Variants in RIF1 observed in about 807,000 individuals in gnomAD.
RIF1 encodes replication timing regulatory factor 1.
RIF1 carries 45 observed loss-of-function variants against 247.1 expected under a neutral mutation model. The observed-to-expected ratio is 0.18, with a 90% CI of 0.14 to 0.23. The LOEUF is 0.23. Ranked by LOEUF, RIF1 falls within the 10% of genes least tolerant of loss-of-function variation. RIF1 has a pLI of 1.00. For missense variants in RIF1, 2,967 were observed against 2,862.5 expected (o/e 1.04, Z -0.83); for synonymous variants, 1,087 against 978.8 (o/e 1.11, Z -2.06).
At chr2:151,440,484 T>C (rs1692086967) in intron 15 of RIF1, among the ~76,000 whole-genome samples, 1 of 152,230 alleles carries the variant, frequency 6.6e-6, no homozygotes, top group Non-Finnish European at 1.5e-5. Flanking sequence ...TGTTTTCAAT[T>C]AACTGTTTTT....
chr2:151,503,369 T>G (rs1201981281), intron 12 of RIF1: 1 of 1,611,774 alleles, frequency 6.2e-7, no homozygotes, highest in Non-Finnish European at 8.5e-7. Flanking sequence ...TTCTCTTGAT[T>G]GCGTTTGACT....
chr2:151,464,799 G>C lies in RIF1; in HGVS notation c.5279G>C (p.Ser1760Thr). 1 of 1,613,782 alleles carries C rather than the reference G, an allele frequency of 6.2e-7. No homozygotes were observed. The highest frequency in any genetic ancestry group is 8.5e-7 in the Non-Finnish European group (1 of 1,179,922). The change falls in exon 30 of 36, where the codon AGT becomes ACT. Residue 1760 changes from serine to threonine, a missense_variant. Ser to Thr is a moderately conservative substitution (Grantham distance 58). Around this residue, in one of 7 missense-constraint regions of RIF1, gnomAD observed 2,028 missense variants for 1,825.6 expected, o/e 1.11. Transcript: ENST00000444746. ...KNTENNDVEI[S>T]ETKKADVQAP... ...ACAGAAAATAATGACGTAGAGATTA[G>C]TGAAACAAAAAAGGCAGATGTGCAA...
the RIF1 span, chr2:151,518,200 A>G: frequency 1.3e-6 from 1 of 774,468 alleles, no homozygotes; most frequent in Non-Finnish European, 2.3e-6. Flanking sequence ...ACCAGATTCA[A>G]AACCCCTTAT....
At chr2:151,482,459 G>T (rs994864004), downstream of RIF1, among the ~76,000 whole-genome samples, 29 of 152,084 alleles carry the variant, frequency 1.9e-4, no homozygotes, top group Admixed American at 2.6e-4. Context: ...CATTGAACTT[G>T]TTAGAAGAGA....
At chr2:151,439,170 CTT>C (rs1380861896) in intron 14 of RIF1, among the ~76,000 whole-genome samples, 3 of 152,082 alleles carry the variant, frequency 2.0e-5, no homozygotes, top group Non-Finnish European at 1.5e-5. Context: ...ATATTCTTGT[CTT>C]TATGTTGAGT....
At chr2:151,422,895 A>G in intron 7 of RIF1, 55 bp from the exon 8 acceptor site, 3 of 910,618 alleles carry the variant, frequency 3.3e-6, no homozygotes, top group Non-Finnish European at 5.3e-6. Flanking sequence ...AGACTTTGGT[A>G]TTGGATTTTT....
chr2:151,480,259 C>A lies in RIF1; in HGVS notation c.*5188C>A, dbSNP rs934118198. The A allele has an allele frequency of 1.3e-5, 2 of 152,148 alleles. No homozygotes were observed. Among genetic ancestry groups the A allele is most frequent in the Non-Finnish European group, 2.9e-5 (2 of 68,012 alleles). 9.4% of individuals were successfully genotyped at this position (152,148 alleles called of 1,614,324 possible). A position where few individuals can be genotyped will look rare whatever the true frequency, so the allele number is the denominator to read the frequency against. On this transcript the variant is annotated 3_prime_UTR_variant, in exon 36 of 36. Coordinates refer to ENST00000444746, the MANE Select transcript of RIF1 (RefSeq NM_018151.5). Reference sequence around the variant, plus strand: ...AAAAAACTCTAACTTTTGTACTCTACTTGTAGCAGAGGGAATATTTTTGGC... The same window carrying A: ...AAAAAACTCTAACTTTTGTACTCTAATTGTAGCAGAGGGAATATTTTTGGC...
intron 10 of RIF1, among the ~76,000 whole-genome samples, chr2:151,499,014 C>T (rs1219619427): frequency 7.4e-6 from 1 of 134,682 alleles, no homozygotes; most frequent in African/African-American, 2.7e-5. Context: ...AGGTTCAGAT[C>T]AAATTTGCCA....
chr2:151,524,585 A>T, the RIF1 span: 1 of 1,579,136 alleles, frequency 6.3e-7, no homozygotes, highest in Non-Finnish European at 8.6e-7. Context: ...GGTGTAATGC[A>T]GGTTCTCTTT....
At chr2:151,423,500 AAACTT>A (rs1688510250) in intron 8 of RIF1, 2 of 155,308 alleles carry the variant, frequency 1.3e-5, no homozygotes, top group African/African-American at 4.8e-5. Flanking sequence ...TGGTGAAAAT[AAACTT>A]TGTTCAGGCA....
At position 151,445,065 on chromosome 2, in the gene RIF1, G is replaced by A. The variant is rs538146642; in HGVS notation, c.1987-273G>A. ...GCCTCCATCTTCACATGGTATTGTT[G>A]TCTGTGCCTATCCAAATTTTCCTCT... On this transcript the variant is annotated intron_variant, in intron 18 of 35. Coordinates refer to ENST00000444746, the MANE Select transcript of RIF1 (RefSeq NM_018151.5). 7.2e-5 allele frequency among the ~76,000 whole-genome samples: 11 copies of A among 152,292 alleles called. No homozygotes were observed. In the South Asian group the frequency reaches 2.3e-3, roughly 32 times the overall value.
the RIF1 span, among the ~76,000 whole-genome samples, chr2:151,521,281 G>A: frequency 6.6e-6 from 1 of 152,140 alleles, no homozygotes; most frequent in African/African-American, 2.4e-5. Flanking sequence ...CAGTGGAAAT[G>A]CAGAGAAAAA....
intron 12 of RIF1, among the ~76,000 whole-genome samples, chr2:151,504,208 G>A (rs78711592): frequency 0.015 from 2,257 of 152,172 alleles, 78 homozygotes; most frequent in East Asian, 0.14. Context: ...CATGGCGTGG[G>A]GAGCAACGTA....
chr2:151,415,780 G>A (rs533335241), intron 4 of RIF1, among the ~76,000 whole-genome samples: 8 of 152,138 alleles, frequency 5.3e-5, no homozygotes, highest in African/African-American at 1.9e-4. Flanking sequence ...GGGAGGCTGA[G>A]GCAGGAGAAT....
chr2:151,475,099 T>TC lies in RIF1; in HGVS notation c.*28_*29insC. 6.9e-7 allele frequency: 1 copy of TC among 1,454,448 alleles called. No individual in the cohort carries two copies. The highest frequency in any genetic ancestry group is 9.6e-7 in the Non-Finnish European group (1 of 1,037,180). The allele number at this position is 1,454,448 out of a possible 1,614,324, so 90.1% of individuals were successfully genotyped here. A position where few individuals can be genotyped will look rare whatever the true frequency, so the allele number is the denominator to read the frequency against. ...TTTTCAGAGAAAATTGAAGGTTTTT[T>TC]TAAACATCACTGGATTTCTTGATTG... On this transcript the variant is annotated 3_prime_UTR_variant, in exon 36 of 36. Coordinates refer to ENST00000444746, the MANE Select transcript of RIF1 (RefSeq NM_018151.5).
chr2:151,533,515 A>C, the RIF1 span: 1 of 1,551,394 alleles, frequency 6.4e-7, no homozygotes, highest in Non-Finnish European at 8.7e-7. Context: ...TCCATGTTGC[A>C]GAAACATCTT....
intron 26 of RIF1, 124 bp from the exon 27 acceptor site, chr2:151,461,014 G>C: frequency 1.2e-6 from 1 of 839,860 alleles, no homozygotes; most frequent in East Asian, 2.5e-5. Flanking sequence ...TACGGATCAT[G>C]AGTATCATCA....
At position 151,451,760 on chromosome 2, in the gene RIF1, ACTTTGCCAGGGGAAGTCCTAATAC is replaced by A; in HGVS notation, c.2344+64_2344+87del. 3 of 933,448 alleles carry A rather than the reference ACTTTGCCAGGGGAAGTCCTAATAC, an allele frequency of 3.2e-6. No homozygotes were observed. In the South Asian group the frequency reaches 4.0e-5, roughly 12 times the overall value. The allele number at this position is 933,448 out of a possible 1,614,324, so 57.8% of individuals were successfully genotyped here. A position where few individuals can be genotyped will look rare whatever the true frequency, so the allele number is the denominator to read the frequency against. On this transcript the variant is annotated intron_variant, in intron 21 of 35. Transcript: ENST00000444746. ...TCCAGTATTTCATAAGCAGTACTGAACTTTGCCAGGGGAAGTCCTAATACCTTTGCCACCTCATTTTACTAACTT... is the reference window on the plus strand; with the variant it reads ...TCCAGTATTTCATAAGCAGTACTGAACTTTGCCACCTCATTTTACTAACTT...
chr2:151,455,368 C>CTT (rs1406160566), intron 22 of RIF1, among the ~76,000 whole-genome samples: 1 of 152,114 alleles, frequency 6.6e-6, no homozygotes, highest in African/African-American at 2.4e-5. Flanking sequence ...TGTTACTTCC[C>CTT]TTTCCCTTTG....
Sources: allele counts gnomAD v4.1 joint callset (sites outside exome capture counted in the v4.1 genomes callset), GRCh38; gene constraint gnomAD v4.1.1; regional missense constraint gnomAD v4.1.1; transcripts MANE v1.5; gene names NCBI Gene and HGNC (gene_info 2026-07-23, HGNC 2026-07-21).